Variants in SYNE2 observed in about 807,000 individuals in gnomAD.
SYNE2 encodes the protein nesprin-2.
Under a neutral mutation model 856.3 loss-of-function variants are expected in SYNE2, and 431 were observed. The observed-to-expected ratio is 0.50, with a 90% CI of 0.47 to 0.55. The LOEUF (loss-of-function observed/expected upper bound fraction) is 0.55, where lower values mean the gene tolerates loss of function less well. Among genes scored for constraint, SYNE2 ranks in the 20% least tolerant of loss-of-function variants. The pLI, the probability that SYNE2 is intolerant of heterozygous loss-of-function variation, is 0.00. For synonymous variants in SYNE2, 2,923 were observed against 2,872.3 expected (o/e 1.02, Z -0.56); for missense variants, 8,129 against 8,023.2 (o/e 1.01, Z -0.50).
chr14:64,209,407 A>C (rs757387069), intron 101 of SYNE2, 21 bp from the exon 102 acceptor site: 11 of 1,614,100 alleles, frequency 6.8e-6, no homozygotes, highest in Non-Finnish European at 9.3e-6. Flanking sequence ...GGCTTGTGTT[A>C]AGTTGCTTTG....
intron 111 of SYNE2, 121 bp from the exon 112 acceptor site, chr14:64,221,455 C>T (rs2098693593): frequency 1.9e-6 from 3 of 1,581,232 alleles, no homozygotes; most frequent in Non-Finnish European, 1.7e-6. Context: ...TCCTCGTATT[C>T]AGTGGGTAAG....
chr14:63,872,283 A>G (rs1185813148), intron 1 of SYNE2, among the ~76,000 whole-genome samples: 1 of 151,992 alleles, frequency 6.6e-6, no homozygotes, highest in African/African-American at 2.4e-5. Context: ...AAAAAAAATT[A>G]GCCAGGCATG....
intron 61 of SYNE2, among the ~76,000 whole-genome samples, chr14:64,094,150 G>A (rs372217441): frequency 5.9e-5 from 9 of 152,030 alleles, no homozygotes; most frequent in African/African-American, 1.9e-4. Context: ...GGCTAACACG[G>A]TGAAACCCTG....
Position 64,202,851 on chromosome 14 carries a change from A to G in SYNE2, c.18089A>G (p.Asn6030Ser), listed in dbSNP as rs777681705. The part of the protein sequence containing the change: ...TFAFIQQLDK[N>S]MSNLRTWLAR... The stretch of plus-strand genomic sequence containing the variant: ...GCTTTTATTCAGCAGTTGGACAAAA[A>G]CATGAGCAACCTTCGCACCTGGTTG... Residue 6030 changes from asparagine to serine, a missense_variant, in exon 100 of 116, where the codon AAC becomes AGC. Asn to Ser is a conservative substitution (Grantham distance 46, BLOSUM62 1). Transcript: ENST00000555002. The G allele has an allele frequency of 1.9e-6, 3 of 1,614,188 alleles. No homozygotes were observed. The highest frequency in any genetic ancestry group is 2.5e-6 in the Non-Finnish European group (3 of 1,180,036).
intron 1 of SYNE2, among the ~76,000 whole-genome samples, chr14:63,856,969 C>T (rs1452378535): frequency 6.6e-6 from 1 of 152,056 alleles, no homozygotes; most frequent in Non-Finnish European, 1.5e-5. Context: ...GAGGTCTCAC[C>T]ATGTTGCCTA....
chr14:63,895,590 C>CAA (rs34613830), intron 1 of SYNE2, among the ~76,000 whole-genome samples: 42 of 88,404 alleles, frequency 4.8e-4, no homozygotes, highest in Non-Finnish European at 7.1e-4. Flanking sequence ...CTGTCTCTAT[C>CAA]AAAAAAAAAA....
intron 85 of SYNE2, among the ~76,000 whole-genome samples, chr14:64,157,541 A>G (rs750540072): frequency 6.6e-6 from 1 of 152,132 alleles, no homozygotes; most frequent in African/African-American, 2.4e-5. Flanking sequence ...TCGTGCTGCT[A>G]TGAACATTTG....
intron 1 of SYNE2, among the ~76,000 whole-genome samples, chr14:63,903,482 GTTAT>G (rs1566758941): frequency 6.6e-6 from 1 of 151,894 alleles, no homozygotes; most frequent in African/African-American, 2.4e-5. Flanking sequence ...TGACACCTTT[GTTAT>G]TTATTTATTT....
At chr14:64,223,708 C>T (rs2098705178) in intron 113 of SYNE2, among the ~76,000 whole-genome samples, 2 of 152,128 alleles carry the variant, frequency 1.3e-5, no homozygotes, top group African/African-American at 4.8e-5. Context: ...TCAAGCAATG[C>T]AAAGTTCTGG....
At chr14:63,839,321 G>A (rs1029517213) in intron 1 of SYNE2, among the ~76,000 whole-genome samples, 9 of 152,058 alleles carry the variant, frequency 5.9e-5, no homozygotes, top group African/African-American at 9.7e-5. Flanking sequence ...GAGCCACCGC[G>A]CCCGGCCTAA....
Position 64,131,759 on chromosome 14 carries a change from T to C in SYNE2, c.14341-506T>C, listed in dbSNP as rs149667812. On this transcript the variant is annotated intron_variant, in intron 76 of 115. Transcript: ENST00000555002. ...ACCACACCTAGCTGGCATCTATCTT[T>C]TTGTAGCATTTAGACTCAAAACAAC... Among the ~76,000 whole-genome samples the C allele has an allele frequency of 6.9e-3, 1,047 of 152,258 alleles. 13 individuals are homozygous for C. The highest frequency in any genetic ancestry group is 0.024 in the African/African-American group (994 of 41,534).
At chr14:64,142,118 T>C in intron 82 of SYNE2, 30 bp downstream of exon 82, 2 of 1,613,474 alleles carry the variant, frequency 1.2e-6, no homozygotes, top group Non-Finnish European at 1.7e-6. Context: ...AGAAGTCTTT[T>C]CATTGAAACA....
intron 2 of SYNE2, among the ~76,000 whole-genome samples, chr14:63,937,404 C>G (rs964269384): frequency 3.9e-5 from 6 of 152,156 alleles, no homozygotes; most frequent in Non-Finnish European, 8.8e-5. Context: ...GAGGTAGGAA[C>G]AGAATGTTCT....
chr14:64,010,198 C>A lies in SYNE2; in HGVS notation c.4728+82C>A, dbSNP rs1007075729. The A allele has an allele frequency of 2.1e-6, 3 of 1,445,708 alleles. No homozygotes were observed. The African/African-American group carries it at 4.3e-5, about 21-fold the overall frequency. 89.6% of individuals were successfully genotyped at this position (1,445,708 alleles called of 1,614,324 possible). ...AGTAAAGAGATATTATAGATTAAGT[C>A]TTTTTTGAAACTTCGTTTAAAAGAA... On this transcript the variant is annotated intron_variant, in intron 32 of 115. Transcript: ENST00000555002.
rs755101228 is a variant in SYNE2, at chr14:64,089,577, G to A, written c.11674G>A (p.Val3892Met). The A allele has an allele frequency of 1.2e-6, 2 of 1,609,222 alleles. No individual in the cohort carries two copies. Among genetic ancestry groups the A allele is most frequent in the Middle Eastern group, 1.7e-4 (1 of 6,040 alleles). Residue 3892 changes from valine (V) to methionine (M), a missense_variant, in exon 59 of 116, where the codon GTG becomes ATG. Val to Met is a conservative substitution (Grantham distance 21, BLOSUM62 1). Coordinates refer to ENST00000555002, the MANE Select transcript of SYNE2 (RefSeq NM_182914.3). ...LPQIQRMADD[V>M]VAIESEVKSM... is the part of the protein sequence containing the mutation. Reference sequence around the variant, plus strand: ...GTGTGTTCTTCTGAAATTCTAGGATGTGGTTGCTATTGAATCTGAAGTAAA... The same window carrying A: ...GTGTGTTCTTCTGAAATTCTAGGATATGGTTGCTATTGAATCTGAAGTAAA...
chr14:64,030,398 T>C (rs1437843526), intron 44 of SYNE2, among the ~76,000 whole-genome samples: 2 of 152,236 alleles, frequency 1.3e-5, no homozygotes, highest in Admixed American at 1.3e-4. Flanking sequence ...GAGTGAATGC[T>C]TCTTGTGTAG....
intron 1 of SYNE2, among the ~76,000 whole-genome samples, chr14:63,902,407 CAAAAAAAAAA>C (rs10533353): frequency 1.3e-5 from 1 of 74,644 alleles, no homozygotes; most frequent in Non-Finnish European, 2.4e-5. Flanking sequence ...CGAGACTCCT[CAAAAAAAAAA>C]AAAAAAAAAA....
rs1416694514 is a variant in SYNE2, at chr14:64,189,060, G to A, written c.17871+352G>A. On this transcript the variant is annotated intron_variant, in intron 98 of 115. Coordinates refer to ENST00000555002, the MANE Select transcript of SYNE2 (RefSeq NM_182914.3). ...ATTAAGAAGCTCCCCTTGGCCTGGC[G>A]TGGTGGCTCATTGCTGTAATCCTAG... is the stretch of plus-strand genomic sequence containing the variant. 6.4e-5 allele frequency: 44 copies of A among 691,408 alleles called. No homozygotes were observed. In the Admixed American group the frequency reaches 7.7e-4, roughly 12 times the overall value. The allele number at this position is 691,408 out of a possible 1,614,324, so 42.8% of individuals were successfully genotyped here. A position where few individuals can be genotyped will look rare whatever the true frequency, so the allele number is the denominator to read the frequency against.
At position 64,163,487 on chromosome 14, in the gene SYNE2, C is replaced by A. The variant is rs760415594; in HGVS notation, c.16385C>A (p.Ser5462Tyr). ...GATCGACTCCCACAACCCGCAGAGT[C>A]CAGCACCCACATGCTCCTCCCGGGC... is the stretch of plus-strand genomic sequence containing the variant. ...VLDRLPQPAE[S>Y]STHMLLPGPL... The change falls in exon 89 of 116, where the codon TCC (serine) becomes TAC (tyrosine). Residue 5462 changes from serine to tyrosine, a missense_variant. Ser to Tyr is a moderately radical substitution (Grantham distance 144). Transcript: ENST00000555002. The A allele has an allele frequency of 9.3e-6, 15 of 1,614,068 alleles. No homozygotes were observed. Among genetic ancestry groups the A allele is most frequent in the Non-Finnish European group, 1.2e-5 (14 of 1,180,044 alleles).
Sources: gnomAD v4.1 joint callset for allele counts (sites outside exome capture counted in the v4.1 genomes callset) on GRCh38, gnomAD v4.1.1 for gene constraint, MANE v1.5 for transcripts, NCBI Gene and HGNC (gene_info 2026-07-23, HGNC 2026-07-21) for gene names.